The following RFX3 variants were observed in gnomAD, a reference collection of about 807,000 sequenced individuals.
The protein encoded by RFX3 is regulatory factor X3.
Under a neutral mutation model 98.6 loss-of-function variants are expected in RFX3, and 14 were observed. That is an observed-to-expected ratio of 0.14 (90% CI 0.09 to 0.22). The LOEUF is 0.22. RFX3 is among the 10% of genes least tolerant of loss of function. The pLI is 1.00. For synonymous variants in RFX3, 383 were observed against 328.4 expected, an observed-to-expected ratio of 1.17 and a Z score of -1.80; for missense variants, 639 against 926.9, an observed-to-expected ratio of 0.69 and a Z score of 4.03.
At chr9:3,425,756 C>T (rs1010700413) in intron 1 of RFX3, among the ~76,000 whole-genome samples, 6 of 152,114 alleles carry the variant, frequency 3.9e-5, no homozygotes, top group Non-Finnish European at 5.9e-5. Context: ...ATGCTCTTCA[C>T]CTCTGTAATT....
rs778183277 is a variant in RFX3, at chr9:3,257,080, A to G, written c.1725T>C (p.Asn575=). 2.2e-5 allele frequency: 35 copies of G among 1,613,836 alleles called. No homozygotes were observed. Among genetic ancestry groups the G allele is most frequent in the Non-Finnish European group, 2.9e-5 (34 of 1,179,984 alleles). Residue 575 remains asparagine (N), a synonymous_variant, in exon 14 of 17, where the codon AAT becomes AAC. Coordinates refer to ENST00000617270, the MANE Select transcript of RFX3 (RefSeq NM_001282116.2). ...TLEQWAAWLD[N]VMMQALKPYE... The stretch of plus-strand genomic sequence containing the variant: ...AGGGTTTCAGTGCTTGCATCATCAC[A>G]TTGTCAAGCCACGCAGCCCACTGCT...
intron 4 of RFX3, among the ~76,000 whole-genome samples, chr9:3,303,270 T>C (rs1022972932): frequency 6.6e-5 from 10 of 151,902 alleles, no homozygotes; most frequent in African/African-American, 2.4e-4. Context: ...AATGTTAAAC[T>C]GTGAAACTAT....
intron 4 of RFX3, among the ~76,000 whole-genome samples, chr9:3,303,961 G>A (rs1185510549): frequency 1.3e-5 from 2 of 151,954 alleles, no homozygotes; most frequent in Admixed American, 6.6e-5. Context: ...AACTGACTTA[G>A]GCCTGTGCCG....
At chr9:3,520,697 A>T (rs1818623193) in intron 1 of RFX3, among the ~76,000 whole-genome samples, 1 of 152,164 alleles carries the variant, frequency 6.6e-6, no homozygotes, top group Non-Finnish European at 1.5e-5. Context: ...GTGTTTTGAG[A>T]CAGGGTCTTG....
At chr9:3,257,545 T>C (rs1563813131) in intron 13 of RFX3, among the ~76,000 whole-genome samples, 1 of 152,320 alleles carries the variant, frequency 6.6e-6, no homozygotes, top group East Asian at 1.9e-4. Flanking sequence ...TCTTTCATCC[T>C]ATTCAGCTTT....
At chr9:3,292,974 T>C in intron 6 of RFX3, 103 bp downstream of exon 6, 1 of 888,188 alleles carries the variant, frequency 1.1e-6, no homozygotes, top group Non-Finnish European at 1.7e-6. Context: ...ATGTATTTCC[T>C]TATATATTGT....
At chr9:3,332,599 A>G (rs1368673559) in intron 3 of RFX3, among the ~76,000 whole-genome samples, 1 of 152,214 alleles carries the variant, frequency 6.6e-6, no homozygotes, top group African/African-American at 2.4e-5. Flanking sequence ...TAACGCAGAT[A>G]TAAAAATAAA....
intron 1 of RFX3, among the ~76,000 whole-genome samples, chr9:3,412,698 C>G (rs1842560325): frequency 6.6e-6 from 1 of 152,040 alleles, no homozygotes; most frequent in Non-Finnish European, 1.5e-5. Context: ...ATTCTGTCCA[C>G]TTTTTAAGCA....
intron 1 of RFX3, among the ~76,000 whole-genome samples, chr9:3,507,915 A>T (rs755049342): frequency 6.6e-6 from 1 of 151,906 alleles, no homozygotes; most frequent in Non-Finnish European, 1.5e-5. Context: ...AAGTACAGAG[A>T]AAAGTGGTGA....
intron 1 of RFX3, among the ~76,000 whole-genome samples, chr9:3,510,064 T>C (rs1030997878): frequency 1.3e-5 from 2 of 151,704 alleles, no homozygotes; most frequent in African/African-American, 4.8e-5. Context: ...TTTGGAAACA[T>C]GTGTGACTCT....
At chr9:3,269,660 A>G (rs777115355) in intron 11 of RFX3, among the ~76,000 whole-genome samples, 39 of 152,166 alleles carry the variant, frequency 2.6e-4, no homozygotes, top group Admixed American at 7.2e-4. Context: ...CCATCACTTA[A>G]AAAGGTAATC....
chr9:3,511,358 T>G (rs1290945333), intron 1 of RFX3, among the ~76,000 whole-genome samples: 1 of 152,010 alleles, frequency 6.6e-6, no homozygotes, highest in Non-Finnish European at 1.5e-5. Context: ...TAACGATTTT[T>G]TTTTGGCTAT....
rs186217227 is a variant in RFX3 at position 3,270,772 on chromosome 9, T to C, written c.1202+231A>G. ...AAAGGCAGATATGATAGTAATTCCATGAGGATGAAATAACTACCACAGTCC... is the reference window on the plus strand; with the variant it reads ...AAAGGCAGATATGATAGTAATTCCACGAGGATGAAATAACTACCACAGTCC... On this transcript the variant is annotated intron_variant, in intron 10 of 16. Coordinates refer to ENST00000617270, the MANE Select transcript of RFX3 (RefSeq NM_001282116.2). 5,187 of 675,334 alleles carry C rather than the reference T, an allele frequency of 7.7e-3. 37 individuals are homozygous for C. The highest frequency in any genetic ancestry group is 0.012 in the Middle Eastern group (32 of 2,584). 41.8% of individuals were successfully genotyped at this position (675,334 alleles called of 1,614,324 possible).
intron 1 of RFX3, among the ~76,000 whole-genome samples, chr9:3,460,305 A>T (rs548567546): frequency 6.6e-6 from 1 of 152,174 alleles, no homozygotes; most frequent in Non-Finnish European, 1.5e-5. Flanking sequence ...AAAATGCTCA[A>T]TTTTCTTATG....
At chr9:3,331,732 T>C (rs78975283) in intron 3 of RFX3, among the ~76,000 whole-genome samples, 4 of 152,312 alleles carry the variant, frequency 2.6e-5, no homozygotes, top group East Asian at 3.9e-4. Flanking sequence ...GTTTTCCATT[T>C]TGAGCTCTTA....
chr9:3,232,166 G>C (rs597089), intron 15 of RFX3, among the ~76,000 whole-genome samples: 4 of 152,168 alleles, frequency 2.6e-5, no homozygotes, highest in Non-Finnish European at 5.9e-5. Flanking sequence ...TTATGAAGTT[G>C]CAGCATCACA....
intron 1 of RFX3, among the ~76,000 whole-genome samples, chr9:3,445,231 T>C (rs189723745): frequency 1.8e-4 from 27 of 146,422 alleles, no homozygotes; most frequent in African/African-American, 6.3e-4. Flanking sequence ...GTATTTTTCA[T>C]AAAGTAAGTT....
intron 6 of RFX3, among the ~76,000 whole-genome samples, chr9:3,290,509 T>A (rs918057053): frequency 1.4e-4 from 22 of 152,128 alleles, no homozygotes; most frequent in Non-Finnish European, 5.9e-5. Flanking sequence ...ACGGTATGCA[T>A]AACTACAGAG....
chr9:3,431,460 A>T (rs926404853), intron 1 of RFX3, among the ~76,000 whole-genome samples: 7 of 151,694 alleles, frequency 4.6e-5, no homozygotes, highest in African/African-American at 1.5e-4. Flanking sequence ...AGAATGATTT[A>T]AAAAAAAGAA....
Sources: gnomAD v4.1 joint callset for allele counts (sites outside exome capture counted in the v4.1 genomes callset) on GRCh38, gnomAD v4.1.1 for gene constraint, MANE v1.5 for transcripts, NCBI Gene and HGNC (gene_info 2026-07-23, HGNC 2026-07-21) for gene names.